BCORL1: variants seen among roughly 807,000 people sequenced by gnomAD.
The protein encoded by BCORL1 is BCL6 corepressor like 1, also known as BCL-6 corepressor-like protein 1.
A neutral mutation model predicts 87.6 loss-of-function variants in BCORL1; 7 were observed. The observed-to-expected ratio is 0.08, with a 90% CI of 0.05 to 0.15. The LOEUF (loss-of-function observed/expected upper bound fraction) is 0.15, where lower values mean the gene tolerates loss of function less well. BCORL1 is among the 10% of genes least tolerant of loss of function. BCORL1 has a pLI of 1.00. For synonymous variants in BCORL1, 591 were observed against 634.4 expected, an observed-to-expected ratio of 0.93 and a Z score of 1.03; for missense variants, 1,215 against 1,499.7, an observed-to-expected ratio of 0.81 and a Z score of 3.13.
Position 130,014,897 on chromosome X carries a change from C to T in BCORL1, c.2125C>T (p.Leu709=). Residue 709 remains leucine, a synonymous_variant, in exon 4 of 14, where the codon CTG becomes TTG. Transcript: ENST00000540052. ...CACCTGGGTGAAGAACTCAACTGCACTGATCAGCACCATTCCTGGCACCTA... is the reference window on the plus strand; with the variant it reads ...CACCTGGGTGAAGAACTCAACTGCATTGATCAGCACCATTCCTGGCACCTA... ...PSTWVKNSTA[L]ISTIPGTYVG... The T allele has an allele frequency of 8.3e-7, 1 of 1,211,867 alleles. No individual in the cohort carries two copies. The highest frequency in any genetic ancestry group is 3.0e-5 in the East Asian group (1 of 33,847).
At chrX:130,024,479 G>A (rs1376464570) in intron 6 of BCORL1, among the ~76,000 whole-genome samples, 1 of 110,974 alleles carries the variant, frequency 9.0e-6, no homozygotes. Flanking sequence ...CTGCTTGGCC[G>A]GGGTGGCTCT....
At chrX:130,052,049 G>T in intron 13 of BCORL1, 33 bp downstream of exon 13, 1 of 1,142,735 alleles carries the variant, frequency 8.8e-7, no homozygotes, top group Non-Finnish European at 1.2e-6. Context: ...GTGACTGAGT[G>T]TCAGGATCCT....
intron 2 of BCORL1, among the ~76,000 whole-genome samples, chrX:130,011,002 T>TAAAAAAAA (rs1186630415): frequency 1.6e-4 from 3 of 19,097 alleles, no homozygotes; most frequent in African/African-American, 1.7e-4. Flanking sequence ...AGATTCAATC[T>TAAAAAAAA]AAAAAAAAAA....
intron 11 of BCORL1, among the ~76,000 whole-genome samples, chrX:130,044,956 C>T (rs1200239057): frequency 8.9e-6 from 1 of 112,441 alleles, no homozygotes. Context: ...GCCCATTTCT[C>T]CTGAGATCAT....
At position 130,016,640 on chromosome X, in the gene BCORL1, C is replaced by T. The variant is rs756446253; in HGVS notation, c.3441+427C>T. ...GGATGGGGAGAGCAGGGGCCTCTGA[C>T]GGGGTTGTTCCTTTCACCACTGGTT... On this transcript the variant is annotated intron_variant, in intron 4 of 13. Coordinates refer to ENST00000540052, the MANE Select transcript of BCORL1 (RefSeq NM_001379451.1). 7.1e-5 allele frequency among the ~76,000 whole-genome samples: 8 copies of T among 112,091 alleles called. No homozygotes were observed. The South Asian group carries it at 2.2e-3, about 31-fold the overall frequency.
In BCORL1 at chrX:130,016,278, A is replaced by G. The variant is rs112328950; in HGVS notation, c.3441+65A>G. ...CGCTGGTCTACTTCGTGCCATGGAT[A>G]GCAACCTCCTGTGACCCCTACCCTG... On this transcript the variant is annotated intron_variant, in intron 4 of 13. Transcript: ENST00000540052. The G allele has an allele frequency of 7.7e-3, 8,618 of 1,113,645 alleles. 411 individuals are homozygous for G. In the African/African-American group the frequency reaches 0.14, roughly 18 times the overall value. The allele number at this position is 1,113,645 out of a possible 1,213,427, so 91.8% of individuals were successfully genotyped here. A position where few individuals can be genotyped will look rare whatever the true frequency, so the allele number is the denominator to read the frequency against.
rs200530257 is a variant in BCORL1 at position 130,013,013 on chromosome X, A to G, written c.241A>G (p.Thr81Ala). 1.7e-6 allele frequency: 2 copies of G among 1,208,679 alleles called. No homozygotes were observed. The highest frequency in any genetic ancestry group is 1.1e-6 in the Non-Finnish European group (1 of 892,860). The change falls in exon 4 of 14, where the codon ACA (threonine) becomes GCA (alanine). Residue 81 changes from threonine (T) to alanine (A), a missense_variant. Thr to Ala is a moderately conservative substitution (Grantham distance 58). Transcript: ENST00000540052. ...ARGADPDGSA[T>A]EKLGHKSEDK... ...GGGGGCAGACCCAGATGGCAGTGCT[A>G]CAGAAAAACTTGGGCACAAGTCAGA...
At chrX:130,012,691 G>A (rs758029695) in intron 3 of BCORL1, 23 bp downstream of exon 3, 7 of 1,171,655 alleles carry the variant, frequency 6.0e-6, no homozygotes, top group African/African-American at 5.3e-5. Flanking sequence ...ATGGAGCCAC[G>A]TGCTGTCCAC....
chrX:130,017,647 T>C (rs1386665839), intron 4 of BCORL1, among the ~76,000 whole-genome samples: 1 of 97,305 alleles, frequency 1.0e-5, no homozygotes, highest in Non-Finnish European at 2.0e-5. Context: ...TCTCTTTTTG[T>C]TTTTTTTTTT....
chrX:129,993,666 T>G (rs1422201977), intron 1 of BCORL1, among the ~76,000 whole-genome samples: 2 of 112,216 alleles, frequency 1.8e-5, no homozygotes, highest in African/African-American at 6.5e-5. Context: ...CCAGCCTGGG[T>G]TACAGAGCAA....
At chrX:129,998,009 AT>A (rs1409388043) in intron 1 of BCORL1, among the ~76,000 whole-genome samples, 3 of 99,248 alleles carry the variant, frequency 3.0e-5, no homozygotes, top group African/African-American at 7.4e-5. Context: ...ATATATATGT[AT>A]TTTTTTTTCC....
intron 8 of BCORL1, among the ~76,000 whole-genome samples, chrX:130,032,573 AGGGGATCACTGGGGCCATCTTAG>A (rs1930676979): frequency 9.0e-6 from 1 of 111,030 alleles, no homozygotes; most frequent in Middle Eastern, 4.2e-3. Flanking sequence ...CATGAAGATC[AGGGGATCACTGGGGCCATCTTAG>A]AGGCTGACTC....
Position 130,015,736 on chromosome X carries a change from C to T in BCORL1, c.2964C>T (p.Ala988=). Reference sequence around the variant, plus strand: ...CGAAGCCTAAGAACCAAGTGCTGGCCACCTACATGTCCCATGAGCTGGTCC... The same window carrying T: ...CGAAGCCTAAGAACCAAGTGCTGGCTACCTACATGTCCCATGAGCTGGTCC... ...GDTKPKNQVL[A]TYMSHELVLA... Residue 988 remains alanine, a synonymous_variant, in exon 4 of 14, where the codon GCC becomes GCT. Coordinates refer to ENST00000540052, the MANE Select transcript of BCORL1 (RefSeq NM_001379451.1). 1.7e-6 allele frequency: 2 copies of T among 1,212,022 alleles called. No individual in the cohort carries two copies. The highest frequency in any genetic ancestry group is 2.2e-6 in the Non-Finnish European group (2 of 895,560).
chrX:130,034,433 G>A, intron 8 of BCORL1, 22 bp from the exon 9 acceptor site: 1 of 974,535 alleles, frequency 1.0e-6, no homozygotes, highest in South Asian at 2.0e-5. Context: ...ACCTGACCTA[G>A]GACTGCATCT....
At chrX:130,033,582 G>A (rs1171628890) in intron 8 of BCORL1, among the ~76,000 whole-genome samples, 1 of 112,418 alleles carries the variant, frequency 8.9e-6, no homozygotes, top group Non-Finnish European at 1.9e-5. Flanking sequence ...GGGAGTCTGA[G>A]TATGATATGG....
In BCORL1 at chrX:130,013,579, C is replaced by T; in HGVS notation, c.807C>T (p.Ile269=). Residue 269 remains isoleucine, a synonymous_variant, in exon 4 of 14, where the codon ATC becomes ATT. Coordinates refer to ENST00000540052, the MANE Select transcript of BCORL1 (RefSeq NM_001379451.1). The stretch of plus-strand genomic sequence containing the variant: ...CGCCACCGTCAGTGCCCACGCTCAT[C>T]TCTGACTCGAACCCCCTTTCTGTTT... The part of the protein sequence containing the change: ...APAPPSVPTL[I]SDSNPLSVSA... The T allele has an allele frequency of 8.3e-7, 1 of 1,211,694 alleles. No individual in the cohort carries two copies. Among genetic ancestry groups the T allele is most frequent in the Non-Finnish European group, 1.1e-6 (1 of 895,511 alleles).
chrX:130,023,057 A>T, intron 6 of BCORL1, 80 bp downstream of exon 6: 1 of 878,792 alleles, frequency 1.1e-6, no homozygotes, highest in Non-Finnish European at 1.7e-6. Context: ...CAGTTTTACC[A>T]TGGGCCCAGG....
At chrX:130,053,650 C>T (rs1007326678) in intron 13 of BCORL1, among the ~76,000 whole-genome samples, 6 of 111,527 alleles carry the variant, frequency 5.4e-5, no homozygotes, top group African/African-American at 2.0e-4. Flanking sequence ...GTTTTCCTGA[C>T]GTGACATCCT....
At chrX:130,000,085 G>A (rs1429444818) in intron 1 of BCORL1, among the ~76,000 whole-genome samples, 3 of 111,067 alleles carry the variant, frequency 2.7e-5, no homozygotes, top group African/African-American at 9.8e-5. Context: ...TTTTGCTGTC[G>A]CCCAGGCTGG....
Sources: allele counts gnomAD v4.1 joint callset (sites outside exome capture counted in the v4.1 genomes callset), GRCh38; gene constraint gnomAD v4.1.1; transcripts MANE v1.5; gene names NCBI Gene and HGNC (gene_info 2026-07-23, HGNC 2026-07-21).